The following AK9 variants were observed in gnomAD, a reference collection of about 807,000 sequenced individuals.
The protein encoded by AK9 is adenylate kinase domain containing 1.
Under a neutral mutation model 239.6 loss-of-function variants are expected in AK9, and 191 were observed. The observed-to-expected ratio is 0.80, with a 90% CI of 0.71 to 0.90. The LOEUF (loss-of-function observed/expected upper bound fraction) is 0.90, where lower values mean the gene tolerates loss of function less well. Among genes scored for constraint, AK9 ranks in the 40% least tolerant of loss-of-function variants. AK9 has a pLI of 0.00. For missense variants in AK9, 1,995 were observed against 2,214.7 expected (o/e 0.90, Z 1.99); for synonymous variants, 689 against 721.0 (o/e 0.96, Z 0.71).
At chr6:109,662,977 T>G (rs1044329126) in intron 5 of AK9, among the ~76,000 whole-genome samples, 1 of 152,082 alleles carries the variant, frequency 6.6e-6, no homozygotes, top group Non-Finnish European at 1.5e-5. Flanking sequence ...TAACTCATGT[T>G]AGGAAAGTTT....
At chr6:109,612,275 C>A (rs1793666754) in intron 15 of AK9, among the ~76,000 whole-genome samples, 182 bp from the exon 16 acceptor site, 1 of 152,038 alleles carries the variant, frequency 6.6e-6, no homozygotes, top group Admixed American at 6.6e-5. Flanking sequence ...AACATAATAA[C>A]AAAACCAGGA....
intron 3 of AK9, among the ~76,000 whole-genome samples, chr6:109,673,989 T>G (rs1283482621): frequency 2.0e-5 from 3 of 151,340 alleles, no homozygotes; most frequent in Non-Finnish European, 4.4e-5. Context: ...AAAATAATAA[T>G]TAATTAAATT....
chr6:109,660,271 T>A (rs1420894546), intron 6 of AK9, among the ~76,000 whole-genome samples: 1 of 152,050 alleles, frequency 6.6e-6, no homozygotes, highest in Admixed American at 6.6e-5. Flanking sequence ...TAAAAAAAAA[T>A]CTGGATGGTT....
chr6:109,657,020 AT>A, intron 7 of AK9, 136 bp from the exon 8 acceptor site: 1 of 1,004,926 alleles, frequency 1.0e-6, no homozygotes, highest in Non-Finnish European at 1.5e-6. Context: ...AAGATTAAGG[AT>A]TTTTATTTAA....
intron 1 of AK9, among the ~76,000 whole-genome samples, chr6:109,676,521 G>A (rs1026591675): frequency 6.6e-6 from 1 of 151,556 alleles, no homozygotes; most frequent in African/African-American, 2.4e-5. Flanking sequence ...TATATCCATC[G>A]AATATTTCTA....
intron 32 of AK9, 101 bp from the exon 33 acceptor site, chr6:109,509,481 G>T: frequency 9.7e-7 from 1 of 1,030,632 alleles, no homozygotes. Flanking sequence ...CTCAGGTTTG[G>T]GCTTCTAATG....
intron 5 of AK9, 119 bp downstream of exon 5, chr6:109,671,800 T>G: frequency 1.3e-6 from 1 of 744,904 alleles, no homozygotes; most frequent in African/African-American, 1.8e-5. Flanking sequence ...TGAATAGAGA[T>G]AATGAGATTC....
intron 5 of AK9, among the ~76,000 whole-genome samples, chr6:109,666,048 A>T (rs1385844479): frequency 6.6e-6 from 1 of 152,180 alleles, no homozygotes; most frequent in Non-Finnish European, 1.5e-5. Context: ...ATGGCAGAAG[A>T]ATAAGTAATT....
chr6:109,683,861 C>A (rs1228200967), intron 1 of AK9, among the ~76,000 whole-genome samples: 1 of 152,216 alleles, frequency 6.6e-6, no homozygotes, highest in Non-Finnish European at 1.5e-5. Context: ...CCCCATCAAG[C>A]TACCACTGAC....
intron 5 of AK9, among the ~76,000 whole-genome samples, chr6:109,666,696 T>C (rs928636867): frequency 6.6e-6 from 1 of 152,232 alleles, no homozygotes; most frequent in Non-Finnish European, 1.5e-5. Context: ...CAAATGAAGA[T>C]GGCAGACTAC....
intron 18 of AK9, 100 bp downstream of exon 18, chr6:109,585,816 T>G (rs996295289): frequency 3.6e-5 from 42 of 1,162,244 alleles, no homozygotes; most frequent in Non-Finnish European, 4.8e-5. Flanking sequence ...GGGTGGGTAT[T>G]TCTATCTAGG....
At chr6:109,537,442 G>A (rs1237621017) in intron 27 of AK9, among the ~76,000 whole-genome samples, 1 of 147,298 alleles carries the variant, frequency 6.8e-6, no homozygotes, top group Non-Finnish European at 1.5e-5. Flanking sequence ...TGTGGGATTG[G>A]TGGTGATATC....
chr6:109,684,873 CAAAAAAAAAAAAAAAAAAAAAAA>C (rs60500211), intron 1 of AK9, among the ~76,000 whole-genome samples: 27 of 21,872 alleles, frequency 1.2e-3, no homozygotes, highest in Non-Finnish European at 2.0e-3. Context: ...GACTCCGTCT[CAAAAAAAAAAAAAAAAAAAAAAA>C]AAAAAAAAAA....
In AK9 at chr6:109,533,430, C is replaced by T. The variant is rs574889890; in HGVS notation, c.3391G>A (p.Glu1131Lys). The T allele has an allele frequency of 1.7e-5, 27 of 1,609,188 alleles. No individual in the cohort carries two copies. The East Asian group carries it at 4.7e-4, about 28-fold the overall frequency. The change falls in exon 28 of 41, where the codon GAA becomes AAA. Residue 1131 changes from glutamate (E) to lysine (K), a missense_variant. Glu to Lys is a moderately conservative substitution (Grantham distance 56). Coordinates refer to ENST00000424296, the MANE Select transcript of AK9 (RefSeq NM_001145128.3). ...FILDGFPRYP[E>K]EAQFLGDRGF... is the part of the protein sequence containing the mutation. ...CGATCTCCCAAAAACTGGGCCTCTT[C>T]TGGATATCGTGGGAAACCATCTAAT... is the stretch of plus-strand genomic sequence containing the variant.
At chr6:109,613,875 T>TA (rs1793858108) in intron 15 of AK9, among the ~76,000 whole-genome samples, 1 of 152,082 alleles carries the variant, frequency 6.6e-6, no homozygotes. Flanking sequence ...TCCAATACGT[T>TA]AAAGTAGAGA....
At chr6:109,667,554 C>T (rs1445755130) in intron 5 of AK9, among the ~76,000 whole-genome samples, 2 of 151,560 alleles carry the variant, frequency 1.3e-5, no homozygotes, top group African/African-American at 2.4e-5. Flanking sequence ...CCTCCCCTCT[C>T]CCCCCATCCC....
chr6:109,643,071 G>C (rs1187602963), intron 9 of AK9, among the ~76,000 whole-genome samples: 1 of 152,200 alleles, frequency 6.6e-6, no homozygotes, highest in African/African-American at 2.4e-5. Flanking sequence ...AGAGTGTGAA[G>C]TGAGGTGTAA....
intron 29 of AK9, 32 bp from the exon 30 acceptor site, chr6:109,516,674 A>T (rs1366180453): frequency 1.9e-5 from 29 of 1,491,586 alleles, no homozygotes; most frequent in Non-Finnish European, 2.6e-5. Flanking sequence ...TTTACTATAC[A>T]TATAAAATAT....
At chr6:109,630,301 A>G (rs1223212450) in intron 12 of AK9, among the ~76,000 whole-genome samples, 6 of 152,188 alleles carry the variant, frequency 3.9e-5, no homozygotes, top group Non-Finnish European at 8.8e-5. Flanking sequence ...TATCATGTTT[A>G]TGGACCAGAA....
Sources: allele counts gnomAD v4.1 joint callset (sites outside exome capture counted in the v4.1 genomes callset), GRCh38; gene constraint gnomAD v4.1.1; transcripts MANE v1.5; gene names NCBI Gene and HGNC (gene_info 2026-07-23, HGNC 2026-07-21).